NFATC1: variants seen among roughly 807,000 people sequenced by gnomAD.
The protein encoded by NFATC1 is nuclear factor of activated T-cells, cytoplasmic 1.
NFATC1 carries 22 observed loss-of-function variants against 76.0 expected under a neutral mutation model. The ratio of observed to expected loss-of-function variants is 0.29; its 90% confidence interval spans 0.21 to 0.41. NFATC1 has a LOEUF of 0.41. NFATC1 is among the 10% of genes least tolerant of loss of function. The pLI is 1.00. For synonymous variants in NFATC1, 704 were observed against 613.1 expected (o/e 1.15, Z -2.19); for missense variants, 1,357 against 1,337.7 (o/e 1.01, Z -0.23).
At chr18:79,508,072 C>T (rs1404884375) in intron 9 of NFATC1, among the ~76,000 whole-genome samples, 2 of 152,260 alleles carry the variant, frequency 1.3e-5, no homozygotes, top group African/African-American at 4.8e-5. Context: ...CTCTTGTTGA[C>T]ATTGTAATAA....
chr18:79,405,531 T>C (rs555976249), intron 1 of NFATC1, among the ~76,000 whole-genome samples: 149 of 152,336 alleles, frequency 9.8e-4, no homozygotes, highest in African/African-American at 3.5e-3. Context: ...CATTGGGAGC[T>C]GGGAGGGAGG....
At chr18:79,509,721 A>G (rs1221811259) in intron 9 of NFATC1, among the ~76,000 whole-genome samples, 1 of 152,194 alleles carries the variant, frequency 6.6e-6, no homozygotes, top group South Asian at 2.1e-4. Flanking sequence ...CACCCATGAC[A>G]CCTGAGCAGG....
At chr18:79,474,918 C>A (rs527875712) in intron 8 of NFATC1, among the ~76,000 whole-genome samples, 2 of 136,072 alleles carry the variant, frequency 1.5e-5, no homozygotes, top group Admixed American at 7.3e-5. Flanking sequence ...CGTGTTCTCA[C>A]GCTCGCTGTC....
At chr18:79,525,082 G>A (rs1232844310) in intron 9 of NFATC1, among the ~76,000 whole-genome samples, 9 of 54,588 alleles carry the variant, frequency 1.6e-4, no homozygotes, top group South Asian at 6.0e-4. Flanking sequence ...TCCCACCGTC[G>A]TTACCCCTCA....
intron 3 of NFATC1, among the ~76,000 whole-genome samples, chr18:79,446,707 G>A (rs951964412): frequency 1.3e-5 from 2 of 152,178 alleles, no homozygotes; most frequent in Admixed American, 6.5e-5. Flanking sequence ...GGGAAGGGGG[G>A]CTCTATTGGA....
intron 1 of NFATC1, among the ~76,000 whole-genome samples, chr18:79,402,926 G>C (rs1005104021): frequency 2.0e-5 from 3 of 152,256 alleles, no homozygotes; most frequent in Non-Finnish European, 2.9e-5. Context: ...ATGAATACAT[G>C]AATAAGTCTG....
intron 9 of NFATC1, among the ~76,000 whole-genome samples, chr18:79,516,866 C>T (rs564526660): frequency 6.6e-6 from 1 of 152,158 alleles, no homozygotes; most frequent in Non-Finnish European, 1.5e-5. Context: ...TTTTTATGTA[C>T]TTAGCTCATA....
At chr18:79,455,241 G>A (rs566853052) in intron 6 of NFATC1, among the ~76,000 whole-genome samples, 3 of 152,208 alleles carry the variant, frequency 2.0e-5, no homozygotes, top group Non-Finnish European at 2.9e-5. Context: ...GCCACACTAC[G>A]ACGCCGGGGG....
intron 2 of NFATC1, 123 bp downstream of exon 2, chr18:79,411,624 GGTGGGCAGGTGGGCTCCTCGTGGA>G (rs1274321335): frequency 1.4e-5 from 10 of 706,804 alleles, no homozygotes; most frequent in Non-Finnish European, 1.3e-5. Flanking sequence ...TCAGGACCTG[GGTGGGCAGGTGGGCTCCTCGTGGA>G]GCTGGGAGGC....
At chr18:79,400,479 G>A in intron 1 of NFATC1, 1 of 1,482,526 alleles carries the variant, frequency 6.7e-7, no homozygotes, top group Non-Finnish European at 9.0e-7. Flanking sequence ...GGCCGCCCCA[G>A]GTGGGTCAGT....
At chr18:79,492,901 C>CTTTT (rs10605674) in intron 9 of NFATC1, among the ~76,000 whole-genome samples, 1 of 87,236 alleles carries the variant, frequency 1.1e-5, no homozygotes, top group Non-Finnish European at 2.1e-5. Flanking sequence ...ATGAATCCAG[C>CTTTT]TTTTTTTTTT....
chr18:79,515,170 C>G (rs1474805643), intron 9 of NFATC1, among the ~76,000 whole-genome samples: 1 of 151,858 alleles, frequency 6.6e-6, no homozygotes, highest in African/African-American at 2.4e-5. Context: ...CATGGCGAAA[C>G]CCCATCTCTA....
chr18:79,398,468 G>A (rs1490517558), intron 1 of NFATC1, among the ~76,000 whole-genome samples: 1 of 152,252 alleles, frequency 6.6e-6, no homozygotes, highest in East Asian at 1.9e-4. Context: ...AGTGTCTGTG[G>A]AACGGGCAGC....
At chr18:79,438,176 T>C (rs888093719) in intron 3 of NFATC1, among the ~76,000 whole-genome samples, 2 of 152,194 alleles carry the variant, frequency 1.3e-5, no homozygotes, top group African/African-American at 4.8e-5. Context: ...CTTGCTTTCC[T>C]CCTCTCTGTT....
chr18:79,435,255 G>A (rs533843433), intron 3 of NFATC1, among the ~76,000 whole-genome samples: 1 of 152,314 alleles, frequency 6.6e-6, no homozygotes, highest in East Asian at 1.9e-4. Flanking sequence ...ATGAGGGGCG[G>A]GTGTAGGAAT....
At chr18:79,444,184 T>C (rs2087098033) in intron 3 of NFATC1, among the ~76,000 whole-genome samples, 2 of 152,174 alleles carry the variant, frequency 1.3e-5, no homozygotes, top group South Asian at 4.1e-4. Flanking sequence ...CAGAGGCTTG[T>C]CACATGTGGT....
chr18:79,487,789 G>C (rs2089553809), intron 9 of NFATC1, among the ~76,000 whole-genome samples: 2 of 152,154 alleles, frequency 1.3e-5, no homozygotes, highest in African/African-American at 4.8e-5. Flanking sequence ...TTCCGCTCGT[G>C]TTTTCTGGCC....
chr18:79,497,268 C>G (rs1286964200), intron 9 of NFATC1: 1 of 152,268 alleles, frequency 6.6e-6, no homozygotes, highest in Non-Finnish European at 1.5e-5. Flanking sequence ...ACCACCAAAT[C>G]TGGCAGTCAG....
intron 3 of NFATC1, among the ~76,000 whole-genome samples, chr18:79,447,269 C>A (rs1354548113): frequency 1.3e-5 from 2 of 152,208 alleles, no homozygotes; most frequent in Non-Finnish European, 2.9e-5. Context: ...GAGAATCCGC[C>A]GTCCCCTGGC....
Sources: gnomAD v4.1 joint callset for allele counts (sites outside exome capture counted in the v4.1 genomes callset) on GRCh38, gnomAD v4.1.1 for gene constraint, MANE v1.5 for transcripts, NCBI Gene and HGNC (gene_info 2026-07-23, HGNC 2026-07-21) for gene names.